OSBPL10: variants seen among roughly 807,000 people sequenced by gnomAD.
The protein encoded by OSBPL10 is oxysterol binding protein like 10, also known as oxysterol-binding protein-related protein 10.
In OSBPL10, 49 loss-of-function variants were observed where a neutral mutation model predicts 81.7. That is an observed-to-expected ratio of 0.60 (90% confidence interval 0.48 to 0.76). The LOEUF (loss-of-function observed/expected upper bound fraction) is 0.76. Among genes scored for constraint, OSBPL10 ranks in the 30% least tolerant of loss-of-function variants. The pLI is 0.00. For missense variants in OSBPL10, 923 were observed against 987.8 expected, an observed-to-expected ratio of 0.93 and a Z score of 0.88; for synonymous variants, 419 against 383.6, an observed-to-expected ratio of 1.09 and a Z score of -1.08.
intron 1 of OSBPL10, among the ~76,000 whole-genome samples, chr3:31,959,376 C>A (rs1391270768): frequency 1.3e-5 from 2 of 152,164 alleles, no homozygotes; most frequent in Non-Finnish European, 2.9e-5. Flanking sequence ...GCAACTTTGT[C>A]TACTGAAAAC....
chr3:31,679,041 C>CT (rs1365884680), intron 8 of OSBPL10, among the ~76,000 whole-genome samples: 1 of 152,108 alleles, frequency 6.6e-6, no homozygotes, highest in Non-Finnish European at 1.5e-5. Context: ...CCTCTCCTCT[C>CT]TGGCTTTATC....
intron 6 of OSBPL10, among the ~76,000 whole-genome samples, chr3:31,707,899 A>T (rs186474379): frequency 7.7e-4 from 118 of 152,260 alleles, no homozygotes; most frequent in Non-Finnish European, 1.5e-3. Context: ...GGTTCTAGAA[A>T]AATAAAGAGT....
intron 4 of OSBPL10, among the ~76,000 whole-genome samples, chr3:31,772,649 C>A (rs572854083): frequency 6.6e-6 from 1 of 152,304 alleles, no homozygotes. Flanking sequence ...TGGTCATCTC[C>A]GCATGAAGCT....
intron 3 of OSBPL10, among the ~76,000 whole-genome samples, chr3:31,866,774 C>T (rs1701192584): frequency 6.6e-6 from 1 of 152,024 alleles, no homozygotes; most frequent in Admixed American, 6.6e-5. Flanking sequence ...TAAGACAGGG[C>T]TCTTACTACC....
intron 1 of OSBPL10, 48 bp downstream of exon 1, chr3:31,980,841 GCACACACACA>G (rs72290087): frequency 1.5e-6 from 2 of 1,346,494 alleles, no homozygotes; most frequent in African/African-American, 3.1e-5. Flanking sequence ...ACACACGCAC[GCACACACACA>G]CACACACACA....
intron 1 of OSBPL10, among the ~76,000 whole-genome samples, chr3:31,957,322 G>A (rs150265472): frequency 8.7e-4 from 132 of 152,048 alleles, no homozygotes; most frequent in African/African-American, 3.0e-3. Context: ...ACTCAGTTAC[G>A]ATAAATCCAT....
At chr3:32,008,177 AT>A (rs58417694) in intron 2 of OSBPL10, among the ~76,000 whole-genome samples, 2,987 of 142,262 alleles carry the variant, frequency 0.021, 34 homozygotes, top group Non-Finnish European at 0.029. Context: ...TGTTTTTATC[AT>A]TTTTTTTTTT....
intron 1 of OSBPL10, among the ~76,000 whole-genome samples, chr3:32,048,334 A>G (rs1699642274): frequency 7.8e-6 from 1 of 128,586 alleles, no homozygotes; most frequent in African/African-American, 3.5e-5. Context: ...TTTTTGAGAC[A>G]GTTTCACTCA....
rs554047950 is a variant in OSBPL10 at position 31,837,030 on chromosome 3, C to T, written c.538-6799G>A. 5.3e-5 allele frequency among the ~76,000 whole-genome samples: 8 copies of T among 151,892 alleles called. No individual in the cohort carries two copies. In the South Asian group the frequency reaches 1.5e-3, roughly 28 times the overall value. ...TAAATGAATCATTCAAAACTCAGGCCCAAATTATAAATCTCATTCAAGACT... is the reference window on the plus strand; with the variant it reads ...TAAATGAATCATTCAAAACTCAGGCTCAAATTATAAATCTCATTCAAGACT... On this transcript the variant is annotated intron_variant, in intron 3 of 11. Coordinates refer to ENST00000396556, the MANE Select transcript of OSBPL10 (RefSeq NM_017784.5).
intron 8 of OSBPL10, among the ~76,000 whole-genome samples, chr3:31,676,512 C>G (rs1380842784): frequency 6.6e-6 from 1 of 152,094 alleles, no homozygotes; most frequent in Non-Finnish European, 1.5e-5. Context: ...TTAAGATTTT[C>G]AAACTGATAA....
chr3:32,041,352 A>C (rs1157346999), intron 2 of OSBPL10, among the ~76,000 whole-genome samples: 1 of 152,188 alleles, frequency 6.6e-6, no homozygotes, highest in Non-Finnish European at 1.5e-5. Context: ...AGCAGTAAAG[A>C]CTTTTTCACA....
intron 7 of OSBPL10, among the ~76,000 whole-genome samples, chr3:31,692,847 T>A (rs998812174): frequency 2.0e-5 from 3 of 152,258 alleles, no homozygotes; most frequent in African/African-American, 7.2e-5. Context: ...CCAAGGCCCA[T>A]GCTGGGTTGC....
intron 2 of OSBPL10, chr3:31,989,855 A>G: frequency 6.2e-7 from 1 of 1,614,174 alleles, no homozygotes; most frequent in Non-Finnish European, 8.5e-7. Flanking sequence ...AAACAATATA[A>G]ATGTGATGTA....
intron 3 of OSBPL10, among the ~76,000 whole-genome samples, chr3:31,854,337 T>C (rs1700852139): frequency 6.6e-6 from 1 of 152,182 alleles, no homozygotes; most frequent in African/African-American, 2.4e-5. Flanking sequence ...TAACCAGTTC[T>C]CTGCATCAGC....
chr3:31,784,594 G>GT (rs1005347413), intron 4 of OSBPL10, among the ~76,000 whole-genome samples: 1 of 151,744 alleles, frequency 6.6e-6, no homozygotes, highest in African/African-American at 2.4e-5. Flanking sequence ...TTTGTTTTTT[G>GT]TTTTTTGAGA....
chr3:31,815,317 C>T (rs1390885861), intron 4 of OSBPL10, among the ~76,000 whole-genome samples: 1 of 152,174 alleles, frequency 6.6e-6, no homozygotes, highest in African/African-American at 2.4e-5. Flanking sequence ...ACTGCTGATT[C>T]GTAAGCAAAA....
rs181674663 is a variant in OSBPL10 at position 31,661,915 on chromosome 3, G to T, written c.*157C>A. On this transcript the variant is annotated 3_prime_UTR_variant, in exon 12 of 12. Coordinates refer to ENST00000396556, the MANE Select transcript of OSBPL10 (RefSeq NM_017784.5). ...AATTCATTCCTCTAGCAGAGTGTGGGGGTGCACTTTTCATAGTATATAATT... is the reference window on the plus strand; with the variant it reads ...AATTCATTCCTCTAGCAGAGTGTGGTGGTGCACTTTTCATAGTATATAATT... 1.0e-4 allele frequency: 112 copies of T among 1,072,356 alleles called. 1 individual carries two copies. The East Asian group carries it at 1.9e-3, about 18-fold the overall frequency. The allele number at this position is 1,072,356 out of a possible 1,614,324, so 66.4% of individuals were successfully genotyped here. A position where few individuals can be genotyped will look rare whatever the true frequency, so the allele number is the denominator to read the frequency against.
chr3:31,745,541 C>T (rs1206022764), intron 5 of OSBPL10, among the ~76,000 whole-genome samples: 1 of 152,158 alleles, frequency 6.6e-6, no homozygotes, highest in Non-Finnish European at 1.5e-5. Flanking sequence ...GCTCGCAAGA[C>T]ACGGTTCCTG....
intron 7 of OSBPL10, among the ~76,000 whole-genome samples, chr3:31,688,416 T>A (rs1172106148): frequency 2.0e-5 from 3 of 151,976 alleles, no homozygotes; most frequent in Non-Finnish European, 4.4e-5. Flanking sequence ...TTTTGACAGT[T>A]CCTGCTTTCA....
Sources: gnomAD v4.1 joint callset for allele counts (sites outside exome capture counted in the v4.1 genomes callset) on GRCh38, gnomAD v4.1.1 for gene constraint, MANE v1.5 for transcripts, NCBI Gene and HGNC (gene_info 2026-07-23, HGNC 2026-07-21) for gene names.